OPA1: variants seen among roughly 807,000 people sequenced by gnomAD.
OPA1 encodes the protein dynamin-like GTPase OPA1, mitochondrial.
OPA1 carries 59 observed loss-of-function variants against 152.9 expected under a neutral mutation model. The ratio of observed to expected loss-of-function variants is 0.39; its 90% confidence interval spans 0.31 to 0.48. The LOEUF (loss-of-function observed/expected upper bound fraction) is 0.48, where lower values mean the gene tolerates loss of function less well. OPA1 is among the 20% of genes least tolerant of loss of function. OPA1 has a pLI of 0.96. For synonymous variants in OPA1, 400 were observed against 389.9 expected (o/e 1.03, Z -0.31); for missense variants, 1,008 against 1,216.8 (o/e 0.83, Z 2.55).
intron 1 of OPA1, among the ~76,000 whole-genome samples, chr3:193,607,816 A>T (rs1037762814): frequency 6.6e-6 from 1 of 152,196 alleles, no homozygotes; most frequent in Non-Finnish European, 1.5e-5. Context: ...TGGTAGCTTG[A>T]TGGGGATGGC....
intron 25 of OPA1, among the ~76,000 whole-genome samples, chr3:193,660,246 C>A (rs1418452933): frequency 6.6e-6 from 1 of 152,308 alleles, no homozygotes; most frequent in East Asian, 1.9e-4. Flanking sequence ...CACCCCTGTT[C>A]ATTCCTTTCC....
chr3:193,632,350 A>G (rs969599179), intron 8 of OPA1, among the ~76,000 whole-genome samples: 2 of 152,016 alleles, frequency 1.3e-5, no homozygotes, highest in African/African-American at 4.8e-5. Flanking sequence ...GCGTGGTGGC[A>G]GGCGCCTGTA....
intron 1 of OPA1, among the ~76,000 whole-genome samples, chr3:193,597,973 T>G (rs1725874926): frequency 6.6e-6 from 1 of 151,890 alleles, no homozygotes. Flanking sequence ...CAGCTATTTA[T>G]GAAGCTGAGG....
At chr3:193,597,691 A>C (rs1220017107) in intron 1 of OPA1, among the ~76,000 whole-genome samples, 1 of 126,344 alleles carries the variant, frequency 7.9e-6, no homozygotes, top group Non-Finnish European at 1.7e-5. Context: ...ACTCCGTTTC[A>C]AAAAAAAAAA....
At position 193,657,109 on chromosome 3, in the gene OPA1, T is replaced by G; in HGVS notation, c.2208T>G (p.Phe736Leu). The change falls in exon 23 of 31, where the codon TTT (phenylalanine) becomes TTG (leucine). Residue 736 changes from phenylalanine (F) to leucine (L), a missense_variant. Transcript: ENST00000361510. The part of the protein sequence containing the change: ...EVAWETLQEE[F>L]SRFMTEPKGK... ...CTTGGGAGACCCTACAAGAAGAATT[T>G]TCCCGCTTTATGACAGAACCGAAAG... is the stretch of plus-strand genomic sequence containing the variant. 6.2e-7 allele frequency: 1 copy of G among 1,613,766 alleles called. No individual in the cohort carries two copies. Among genetic ancestry groups the G allele is most frequent in the Non-Finnish European group, 8.5e-7 (1 of 1,179,858 alleles).
At chr3:193,666,509 C>G in intron 28 of OPA1, 120 bp downstream of exon 28, 1 of 869,216 alleles carries the variant, frequency 1.2e-6, no homozygotes, top group Non-Finnish European at 1.9e-6. Context: ...AAAAACTGGC[C>G]AGGTGTGGTA....
chr3:193,593,258 T>C lies in OPA1; in HGVS notation c.-120T>C, dbSNP rs1724925548. The stretch of plus-strand genomic sequence containing the variant: ...ATTGGGAGGGCCTCGGCCGCGGCTC[T>C]GTGCCCTTGCTGCTGAGGGCCACTT... On this transcript the variant is annotated 5_prime_UTR_variant, in exon 1 of 31. Transcript: ENST00000361510. 1 of 1,014,892 alleles carries C rather than the reference T, an allele frequency of 9.9e-7. No individual in the cohort carries two copies. Among genetic ancestry groups the C allele is most frequent in the Non-Finnish European group, 1.4e-6 (1 of 718,284 alleles). 62.9% of individuals were successfully genotyped at this position (1,014,892 alleles called of 1,614,324 possible).
intron 1 of OPA1, among the ~76,000 whole-genome samples, chr3:193,604,411 A>T (rs1726908877): frequency 6.6e-6 from 1 of 152,130 alleles, no homozygotes; most frequent in Non-Finnish European, 1.5e-5. Context: ...AAAAATTTGG[A>T]ACCCAGGATC....
intron 21 of OPA1, among the ~76,000 whole-genome samples, chr3:193,652,114 C>T (rs1359698350): frequency 6.6e-6 from 1 of 152,160 alleles, no homozygotes; most frequent in Non-Finnish European, 1.5e-5. Context: ...GGCACGGTGG[C>T]TCATGCCTGT....
chr3:193,668,969 C>T, intron 29 of OPA1: 1 of 594,488 alleles, frequency 1.7e-6, no homozygotes, highest in Non-Finnish European at 2.1e-6. Context: ...GTTTCACTGA[C>T]TTCAGCTTCG....
At chr3:193,662,257 AT>A (rs1715455765) in intron 25 of OPA1, among the ~76,000 whole-genome samples, 1 of 152,210 alleles carries the variant, frequency 6.6e-6, no homozygotes. Context: ...CTGGAAGTGA[AT>A]TTAAGAAGGA....
At chr3:193,606,379 T>C (rs1334966658) in intron 1 of OPA1, among the ~76,000 whole-genome samples, 1 of 151,960 alleles carries the variant, frequency 6.6e-6, no homozygotes, top group Admixed American at 6.6e-5. Context: ...AACTCATCAT[T>C]TACATTAGGT....
intron 5 of OPA1, chr3:193,618,619 A>G (rs1161416028): frequency 8.8e-6 from 4 of 452,786 alleles, no homozygotes; most frequent in Non-Finnish European, 3.9e-6. Context: ...TTTTTATTGT[A>G]ATTTTCAGTT....
intron 1 of OPA1, among the ~76,000 whole-genome samples, chr3:193,609,145 G>T (rs1369774731): frequency 6.6e-6 from 1 of 152,078 alleles, no homozygotes; most frequent in Non-Finnish European, 1.5e-5. Context: ...GATGGGTCTT[G>T]ACTCTTTATC....
intron 29 of OPA1, among the ~76,000 whole-genome samples, chr3:193,674,098 G>C (rs1010865433): frequency 3.9e-5 from 6 of 152,180 alleles, no homozygotes; most frequent in South Asian, 2.1e-4. Context: ...TGATGCCTGA[G>C]CATCTCCCAG....
chr3:193,643,910 A>G, intron 15 of OPA1, 65 bp from the exon 16 acceptor site: 1 of 1,527,192 alleles, frequency 6.5e-7, no homozygotes, highest in Non-Finnish European at 9.0e-7. Context: ...TATAATTTGT[A>G]CTGAGTTTTA....
intron 7 of OPA1, among the ~76,000 whole-genome samples, chr3:193,630,572 G>C (rs1311908638): frequency 6.6e-6 from 1 of 152,146 alleles, no homozygotes; most frequent in Non-Finnish European, 1.5e-5. Context: ...GCCATGATGT[G>C]TTGTGATTGC....
chr3:193,628,828 A>G (rs1321058469), intron 7 of OPA1, among the ~76,000 whole-genome samples: 1 of 152,130 alleles, frequency 6.6e-6, no homozygotes, highest in Non-Finnish European at 1.5e-5. Context: ...TCAATCTTTA[A>G]TGTTTGTTTT....
At chr3:193,595,258 C>G (rs1464796562) in intron 1 of OPA1, among the ~76,000 whole-genome samples, 1 of 152,140 alleles carries the variant, frequency 6.6e-6, no homozygotes, top group Non-Finnish European at 1.5e-5. Context: ...ATAAGCATTT[C>G]TTTGGGCATA....
Sources: allele counts gnomAD v4.1 joint callset (sites outside exome capture counted in the v4.1 genomes callset), GRCh38; gene constraint gnomAD v4.1.1; transcripts MANE v1.5; gene names NCBI Gene and HGNC (gene_info 2026-07-23, HGNC 2026-07-21).